Variants in REEP1 observed in about 807,000 individuals in gnomAD.
The protein encoded by REEP1 is receptor expression-enhancing protein 1.
A neutral mutation model predicts 40.3 loss-of-function variants in REEP1; 22 were observed. The observed-to-expected ratio is 0.55, with a 90% confidence interval of 0.39 to 0.78. The LOEUF (loss-of-function observed/expected upper bound fraction) is 0.78. REEP1 is among the 30% of genes least tolerant of loss of function. The pLI, the probability that REEP1 is intolerant of heterozygous loss-of-function variation, is 0.00. For missense variants in REEP1, 280 were observed against 361.1 expected, an observed-to-expected ratio of 0.78 and a Z score of 1.82; for synonymous variants, 116 against 139.2, an observed-to-expected ratio of 0.83 and a Z score of 1.17.
At chr2:86,326,334 C>A (rs1680497930) in intron 1 of REEP1, among the ~76,000 whole-genome samples, 1 of 152,196 alleles carries the variant, frequency 6.6e-6, no homozygotes, top group African/African-American at 2.4e-5. Context: ...TGAGCAAGGA[C>A]AGAAGTCCAA....
chr2:86,271,317 TAA>T (rs572396859), intron 2 of REEP1, among the ~76,000 whole-genome samples: 1 of 124,700 alleles, frequency 8.0e-6, no homozygotes. Context: ...TAAAACTGCT[TAA>T]AAAAAAAAAA....
At chr2:86,326,114 A>G (rs903221627) in intron 1 of REEP1, among the ~76,000 whole-genome samples, 1 of 152,204 alleles carries the variant, frequency 6.6e-6, no homozygotes, top group Non-Finnish European at 1.5e-5. Flanking sequence ...TATCCACCCA[A>G]TGGAAACAGC....
chr2:86,233,645 T>G (rs945344268), intron 5 of REEP1, among the ~76,000 whole-genome samples: 2 of 152,102 alleles, frequency 1.3e-5, no homozygotes, highest in Admixed American at 1.3e-4. Context: ...TAAGTGTGCC[T>G]CAGGGGCTGC....
chr2:86,235,819 A>G (rs1301933131), intron 5 of REEP1, among the ~76,000 whole-genome samples: 3 of 152,240 alleles, frequency 2.0e-5, no homozygotes, highest in Non-Finnish European at 2.9e-5. Context: ...ATAATAGCTC[A>G]GTATCAACCT....
intron 5 of REEP1, among the ~76,000 whole-genome samples, chr2:86,243,190 T>TAACA (rs777783828): frequency 3.5e-4 from 54 of 152,168 alleles, no homozygotes; most frequent in Non-Finnish European, 5.9e-4. Flanking sequence ...GAAATTCATC[T>TAACA]AACACTGAGG....
intron 5 of REEP1, among the ~76,000 whole-genome samples, chr2:86,244,273 G>C (rs891783613): frequency 2.6e-5 from 4 of 152,004 alleles, no homozygotes; most frequent in African/African-American, 9.7e-5. Context: ...CATTTAGATA[G>C]AGCACTGATG....
At position 86,219,909 on chromosome 2, in the gene REEP1, A is replaced by G. The variant is rs1257264520; in HGVS notation, c.783+61T>C. 2.7e-5 allele frequency: 33 copies of G among 1,212,856 alleles called. No individual in the cohort carries two copies. The South Asian group carries it at 1.3e-3, about 46-fold the overall frequency. 75.1% of individuals were successfully genotyped at this position (1,212,856 alleles called of 1,614,324 possible). A position where few individuals can be genotyped will look rare whatever the true frequency, so the allele number is the denominator to read the frequency against. ...AGAGATGCTGCTCCCAGGACCCCCA[A>G]TCTCCAGGGCATAGCCTTTGGACAA... On this transcript the variant is annotated intron_variant, in intron 8 of 8. Coordinates refer to ENST00000538924, the MANE Select transcript of REEP1 (RefSeq NM_001371279.1).
chr2:86,230,289 T>G (rs1293838903), intron 6 of REEP1, among the ~76,000 whole-genome samples: 2 of 152,256 alleles, frequency 1.3e-5, no homozygotes, highest in African/African-American at 4.8e-5. Context: ...CCCTGCCAGC[T>G]TCTTGCATTC....
chr2:86,215,023 C>CTTTTTTTTTTTTTTTTTTTTTTTT lies in REEP1; in HGVS notation c.*2015_*2016insAAAAAAAAAAAAAAAAAAAAAAAA, dbSNP rs11350708. The CTTTTTTTTTTTTTTTTTTTTTTTT allele has an allele frequency of 1.0e-4, 6 of 59,558 alleles. No individual in the cohort carries two copies. The highest frequency in any genetic ancestry group is 2.0e-4 in the African/African-American group (3 of 15,106). The allele number at this position is 59,558 out of a possible 1,614,324, so 3.7% of individuals were successfully genotyped here. On this transcript the variant is annotated 3_prime_UTR_variant, in exon 9 of 9. Transcript: ENST00000538924. ...AAAAATTGCTAAGAAGCTGTGTAAGCTTTTTTTTTTTTTTTTTTTTTTTGC... is the reference window on the plus strand; with the variant it reads ...AAAAATTGCTAAGAAGCTGTGTAAGCTTTTTTTTTTTTTTTTTTTTTTTTTTTTTTTTTTTTTTTTTTTTTTTGC...
intron 4 of REEP1, among the ~76,000 whole-genome samples, chr2:86,252,909 A>G (rs1676362418): frequency 6.6e-6 from 1 of 152,232 alleles, no homozygotes; most frequent in African/African-American, 2.4e-5. Flanking sequence ...ATATTGGTTT[A>G]GTTCAAATTT....
chr2:86,236,984 T>C lies in REEP1; in HGVS notation c.418-4182A>G, dbSNP rs183353691. Among the ~76,000 whole-genome samples the C allele has an allele frequency of 7.2e-3, 1,097 of 152,342 alleles. 10 individuals are homozygous for C. Among genetic ancestry groups the C allele is most frequent in the Non-Finnish European group, 0.013 (870 of 68,034 alleles). On this transcript the variant is annotated intron_variant, in intron 5 of 8. Coordinates refer to ENST00000538924, the MANE Select transcript of REEP1 (RefSeq NM_001371279.1). ...CTCCTGACCTCGTAATCCGCCCGCC[T>C]TGGCCTCCCAAAGTGCTGGGATTAC...
chr2:86,220,111 T>C lies in REEP1; in HGVS notation c.642A>G (p.Gly214=). 3 of 1,231,984 alleles carry C rather than the reference T, an allele frequency of 2.4e-6. No homozygotes were observed. The highest frequency in any genetic ancestry group is 3.0e-6 in the Non-Finnish European group (3 of 987,906). The allele number at this position is 1,231,984 out of a possible 1,614,324, so 76.3% of individuals were successfully genotyped here. The change falls in exon 8 of 9, where the codon GGA becomes GGG. Residue 214 remains glycine, a synonymous_variant. Transcript: ENST00000538924. ...STCRTWKVVE[G]DVNEGGMKAW... Reference sequence around the variant, plus strand: ...CCTTCATACCACCCTCATTCACATCTCCCTCAACCACTTAATGTCCATTTA... The same window carrying C: ...CCTTCATACCACCCTCATTCACATCCCCCTCAACCACTTAATGTCCATTTA...
At chr2:86,279,401 T>A (rs1409297672) in intron 2 of REEP1, among the ~76,000 whole-genome samples, 1 of 152,198 alleles carries the variant, frequency 6.6e-6, no homozygotes, top group African/African-American at 2.4e-5. Context: ...CTTTCATTTT[T>A]AAATGGCACT....
intron 1 of REEP1, among the ~76,000 whole-genome samples, chr2:86,306,064 C>G (rs938298211): frequency 6.6e-6 from 1 of 152,110 alleles, no homozygotes; most frequent in African/African-American, 2.4e-5. Context: ...TTAAAACTGC[C>G]AAACTTTTTT....
chr2:86,285,817 C>CT (rs540947873), intron 1 of REEP1, among the ~76,000 whole-genome samples: 25 of 152,266 alleles, frequency 1.6e-4, no homozygotes, highest in Admixed American at 3.9e-4. Context: ...ACTCAGCCCA[C>CT]TTGCTAGACT....
At chr2:86,230,818 G>A (rs1674969856) in intron 6 of REEP1, among the ~76,000 whole-genome samples, 1 of 152,130 alleles carries the variant, frequency 6.6e-6, no homozygotes, top group Admixed American at 6.5e-5. Flanking sequence ...CATGCGGCGA[G>A]CAAGTGGCTA....
At chr2:86,245,845 A>G (rs1017846007) in intron 5 of REEP1, among the ~76,000 whole-genome samples, 14 of 151,666 alleles carry the variant, frequency 9.2e-5, no homozygotes, top group Admixed American at 6.6e-5. Context: ...GCTCACTGCA[A>G]GCTCCGCCTC....
intron 7 of REEP1, 141 bp from the exon 8 acceptor site, chr2:86,220,262 G>A: frequency 4.3e-6 from 2 of 462,672 alleles, no homozygotes; most frequent in East Asian, 3.5e-5. Context: ...TCGGTCTGAG[G>A]AAGCACTGAT....
chr2:86,217,074 T>G lies in REEP1; in HGVS notation c.820A>C (p.Lys274Gln). 1 of 1,614,156 alleles carries G rather than the reference T, an allele frequency of 6.2e-7. No homozygotes were observed. The highest frequency in any genetic ancestry group is 8.5e-7 in the Non-Finnish European group (1 of 1,180,002). The change falls in exon 9 of 9, where the codon AAA (lysine) becomes CAA (glutamine). Residue 274 changes from lysine to glutamine, a missense_variant. Around this residue, in one of 3 missense-constraint regions of REEP1, gnomAD observed 201 missense variants for 238.5 expected, o/e 0.84. Transcript: ENST00000538924. ...PRILRSRFRK[K>Q]STSSSATETT ...TCGGTGGCCGAGGATGAGGTACTTT[T>G]CTTCCTGAAGCGAGATCGAAGGATT...
Sources: allele counts gnomAD v4.1 joint callset (sites outside exome capture counted in the v4.1 genomes callset), GRCh38; gene constraint gnomAD v4.1.1; regional missense constraint gnomAD v4.1.1; transcripts MANE v1.5; gene names NCBI Gene and HGNC (gene_info 2026-07-23, HGNC 2026-07-21).